The following ARHGEF7 variants were observed in gnomAD, a reference collection of about 807,000 sequenced individuals.
The protein encoded by ARHGEF7 is Rho guanine nucleotide exchange factor 7.
ARHGEF7 carries 33 observed loss-of-function variants against 109.8 expected under a neutral mutation model. That is an observed-to-expected ratio of 0.30 (90% CI 0.23 to 0.40). The LOEUF is 0.40. ARHGEF7 is among the 10% of genes least tolerant of loss of function. The pLI, the probability that ARHGEF7 is intolerant of heterozygous loss-of-function variation, is 1.00. For missense variants in ARHGEF7, 938 were observed against 1,098.5 expected, an observed-to-expected ratio of 0.85 and a Z score of 2.07; for synonymous variants, 458 against 424.6, an observed-to-expected ratio of 1.08 and a Z score of -0.97.
intron 8 of ARHGEF7, among the ~76,000 whole-genome samples, chr13:111,249,369 G>A (rs1204209291): frequency 4.6e-5 from 7 of 152,034 alleles, no homozygotes; most frequent in South Asian, 4.2e-4. Flanking sequence ...AGTTGAGGAC[G>A]TGCCAGGTAA....
intron 12 of ARHGEF7, 61 bp downstream of exon 12, chr13:111,275,739 A>G: frequency 6.3e-7 from 1 of 1,596,562 alleles, no homozygotes; most frequent in Non-Finnish European, 8.6e-7. Flanking sequence ...CTCATAGCAG[A>G]AGATTTTAAA....
chr13:111,221,199 C>A (rs181670063), intron 5 of ARHGEF7, among the ~76,000 whole-genome samples: 3,656 of 47,614 alleles, frequency 0.077, 360 homozygotes, highest in South Asian at 0.14. Context: ...CTATATATAT[C>A]TATATAGATA....
chr13:111,174,575 C>G (rs1432504473), intron 2 of ARHGEF7, among the ~76,000 whole-genome samples: 1 of 152,216 alleles, frequency 6.6e-6, no homozygotes, highest in African/African-American at 2.4e-5. Flanking sequence ...CATGCATTAT[C>G]TGGGCATACG....
At chr13:111,259,417 CTGTT>C (rs1309523785) in intron 8 of ARHGEF7, among the ~76,000 whole-genome samples, 1 of 152,186 alleles carries the variant, frequency 6.6e-6, no homozygotes. Context: ...TTCTCTCTCT[CTGTT>C]TGGGAGAGAG....
chr13:111,121,780 C>T (rs560598294), intron 1 of ARHGEF7, among the ~76,000 whole-genome samples: 72 of 152,264 alleles, frequency 4.7e-4, no homozygotes, highest in African/African-American at 1.5e-3. Context: ...GCTTTGTTCC[C>T]GCAGCCATTT....
intron 2 of ARHGEF7, among the ~76,000 whole-genome samples, chr13:111,156,012 G>A (rs2076293764): frequency 6.7e-6 from 1 of 149,504 alleles, no homozygotes. Context: ...TTGAACCCCG[G>A]AGGCAGAGGT....
intron 8 of ARHGEF7, among the ~76,000 whole-genome samples, chr13:111,251,274 GGA>G (rs2089727310): frequency 6.6e-6 from 1 of 152,216 alleles, no homozygotes. Flanking sequence ...TGATATCACA[GGA>G]GAGAGAGCAC....
intron 2 of ARHGEF7, among the ~76,000 whole-genome samples, chr13:111,174,052 TG>T (rs1377426345): frequency 6.6e-6 from 1 of 152,224 alleles, no homozygotes; most frequent in African/African-American, 2.4e-5. Context: ...GCCCTCCCCC[TG>T]TACTATTCGG....
At position 111,163,552 on chromosome 13, in the gene ARHGEF7, T is replaced by A. The variant is rs1241406467; in HGVS notation, c.252+9561T>A. On this transcript the variant is annotated intron_variant, in intron 2 of 21. Coordinates refer to ENST00000646102, the MANE Select transcript of ARHGEF7 (RefSeq NM_001354046.2). ...CAAAGTTAATTTTAGTTTTCATTTT[T>A]AAATATTTATTTATTTATTTATTTA... 5.3e-5 allele frequency among the ~76,000 whole-genome samples: 8 copies of A among 152,322 alleles called. No homozygotes were observed. The South Asian group carries it at 1.2e-3, about 24-fold the overall frequency.
chr13:111,250,590 G>A lies in ARHGEF7; in HGVS notation c.950+6296G>A, dbSNP rs1466363775. Among the ~76,000 whole-genome samples, 4 of 152,122 alleles carry A rather than the reference G, an allele frequency of 2.6e-5. No homozygotes were observed. In the South Asian group the frequency reaches 6.2e-4, roughly 24 times the overall value. On this transcript the variant is annotated intron_variant, in intron 8 of 21. Transcript: ENST00000646102. ...AGGTTTTTCCTCACACCAGCACTTC[G>A]TCAATTGTCTGACACTGAGTTTCCA...
chr13:111,227,788 T>G (rs539017056), intron 5 of ARHGEF7, among the ~76,000 whole-genome samples: 1 of 152,348 alleles, frequency 6.6e-6, no homozygotes, highest in East Asian at 1.9e-4. Context: ...TGCTTTAGTC[T>G]TATTTGTATT....
Position 111,273,847 on chromosome 13 carries a change from T to G in ARHGEF7, c.1107T>G (p.Gly369=), listed in dbSNP as rs2092326865. 1.2e-6 allele frequency: 2 copies of G among 1,614,134 alleles called. No homozygotes were observed. Among genetic ancestry groups the G allele is most frequent in the Non-Finnish European group, 8.5e-7 (1 of 1,180,030 alleles). The change falls in exon 10 of 22, where the codon GGT becomes GGG. Residue 369 remains glycine, a synonymous_variant. Coordinates refer to ENST00000646102, the MANE Select transcript of ARHGEF7 (RefSeq NM_001354046.2). This position sits in a 1 kb window ranked among gnomAD's most constrained non-coding sequence, Gnocchi z 4.5. ...TGGGGGAGTTCATGGAGACCAAAGGTGCCAGCAGCCCTGGGATTCTCGTGC... is the reference window on the plus strand; with the variant it reads ...TGGGGGAGTTCATGGAGACCAAAGGGGCCAGCAGCCCTGGGATTCTCGTGC... ...EELGEFMETK[G]ASSPGILVLT...
intron 2 of ARHGEF7, among the ~76,000 whole-genome samples, chr13:111,184,211 C>T (rs1242238768): frequency 1.3e-5 from 2 of 152,154 alleles, no homozygotes; most frequent in Non-Finnish European, 2.9e-5. Context: ...GAAGAGGTGC[C>T]TTTTGCCGTG....
Position 111,217,858 on chromosome 13 carries a change from C to T in ARHGEF7, c.648C>T (p.Tyr216=), listed in dbSNP as rs749480802. 13 of 1,613,126 alleles carry T rather than the reference C, an allele frequency of 8.1e-6. No homozygotes were observed. The highest frequency in any genetic ancestry group is 2.2e-5 in the East Asian group (1 of 44,846). ...NGRTGWFPSN[Y]VREVKASEKP... ...GGACCGGCTGGTTCCCCAGCAACTA[C>T]GTGCGCGAGGTCAAGGCCAGCGGTA... Residue 216 remains tyrosine (Y), a synonymous_variant, in exon 5 of 22, where the codon TAC becomes TAT. Coordinates refer to ENST00000646102, the MANE Select transcript of ARHGEF7 (RefSeq NM_001354046.2).
chr13:111,244,618 G>A (rs147188621), intron 8 of ARHGEF7, among the ~76,000 whole-genome samples: 20 of 152,336 alleles, frequency 1.3e-4, no homozygotes, highest in African/African-American at 4.6e-4. Flanking sequence ...AGCTCCTTGT[G>A]TGCCCTGAGT....
At chr13:111,224,211 CCTCA>C (rs2084881861) in intron 5 of ARHGEF7, among the ~76,000 whole-genome samples, 1 of 145,430 alleles carries the variant, frequency 6.9e-6, no homozygotes, top group African/African-American at 2.5e-5. Context: ...ACCCACCCAC[CCTCA>C]CTCTTACTCC....
chr13:111,231,337 C>G (rs1384631574), intron 5 of ARHGEF7, among the ~76,000 whole-genome samples: 1 of 152,214 alleles, frequency 6.6e-6, no homozygotes, highest in Non-Finnish European at 1.5e-5. Context: ...GTAGCTCTTA[C>G]AGTGTAGAAG....
At chr13:111,186,702 C>A in intron 2 of ARHGEF7, 1 of 535,802 alleles carries the variant, frequency 1.9e-6, no homozygotes, top group Non-Finnish European at 2.4e-6. Flanking sequence ...CAGAGCTGTG[C>A]TAAAAATAAC....
Position 111,205,311 on chromosome 13 carries a change from A to G in ARHGEF7, c.275A>G (p.Tyr92Cys). Residue 92 changes from tyrosine (Y) to cysteine (C), a missense_variant, in exon 3 of 22, where the codon TAT becomes TGT. Coordinates refer to ENST00000646102, the MANE Select transcript of ARHGEF7 (RefSeq NM_001354046.2). Reference sequence around the variant, plus strand: ...CAGACGTTTGATGCAAATGATTTGTATCAGGGGCAGAATTTTAACAAGGTC... The same window carrying G: ...CAGACGTTTGATGCAAATGATTTGTGTCAGGGGCAGAATTTTAACAAGGTC... ...RLETFDANDL[Y>C]QGQNFNKVLS... is the part of the protein sequence containing the mutation. 1 of 1,602,820 alleles carries G rather than the reference A, an allele frequency of 6.2e-7. No individual in the cohort carries two copies. Among genetic ancestry groups the G allele is most frequent in the Non-Finnish European group, 8.5e-7 (1 of 1,177,502 alleles).
Sources: gnomAD v4.1 joint callset for allele counts (sites outside exome capture counted in the v4.1 genomes callset) on GRCh38, gnomAD v4.1.1 for gene constraint, Gnocchi (gnomAD v3.1) non-coding constraint, MANE v1.5 for transcripts, NCBI Gene and HGNC (gene_info 2026-07-23, HGNC 2026-07-21) for gene names.